Variants in MYO1D observed in about 807,000 individuals in gnomAD.
MYO1D encodes myosin ID.
In MYO1D, 83 loss-of-function variants were observed where a neutral mutation model predicts 122.0. The ratio of observed to expected loss-of-function variants is 0.68; its 90% confidence interval spans 0.57 to 0.82. The LOEUF (loss-of-function observed/expected upper bound fraction) is 0.82, where lower values mean the gene tolerates loss of function less well. Ranked by LOEUF, MYO1D falls within the 40% of genes least tolerant of loss-of-function variation. MYO1D has a pLI of 0.00. For missense variants in MYO1D, 1,157 were observed against 1,269.5 expected (o/e 0.91, Z 1.35); for synonymous variants, 464 against 446.9 (o/e 1.04, Z -0.48).
chr17:32,529,139 C>T (rs1567878583), intron 21 of MYO1D: 2 of 152,232 alleles, frequency 1.3e-5, no homozygotes, highest in Admixed American at 6.5e-5. Flanking sequence ...TGCATGTGCG[C>T]GTGCACACAC....
At chr17:32,673,336 T>C (rs2088752204) in intron 16 of MYO1D, among the ~76,000 whole-genome samples, 1 of 151,926 alleles carries the variant, frequency 6.6e-6, no homozygotes. Context: ...ACTCTTGAGC[T>C]CAGGCAATCT....
At chr17:32,717,703 A>G (rs1442887289) in intron 15 of MYO1D, among the ~76,000 whole-genome samples, 1 of 152,204 alleles carries the variant, frequency 6.6e-6, no homozygotes, top group Non-Finnish European at 1.5e-5. Flanking sequence ...TACTTGATCA[A>G]ACGTTCATGA....
At chr17:32,641,959 G>T (rs1344057785) in intron 19 of MYO1D, among the ~76,000 whole-genome samples, 1 of 152,104 alleles carries the variant, frequency 6.6e-6, no homozygotes, top group Non-Finnish European at 1.5e-5. Flanking sequence ...GTCAATTCTG[G>T]CTTTTGTTGC....
intron 16 of MYO1D, 63 bp from the exon 17 acceptor site, chr17:32,659,401 T>C (rs1490850677): frequency 2.6e-6 from 4 of 1,517,536 alleles, no homozygotes; most frequent in African/African-American, 1.4e-5. Flanking sequence ...ATGGCTTTGA[T>C]ATTATAGCAG....
At chr17:32,595,244 T>C (rs1317129341) in intron 21 of MYO1D, among the ~76,000 whole-genome samples, 1 of 152,170 alleles carries the variant, frequency 6.6e-6, no homozygotes, top group Non-Finnish European at 1.5e-5. Flanking sequence ...AGGGTGAATA[T>C]AGAACCCTAT....
intron 1 of MYO1D, among the ~76,000 whole-genome samples, chr17:32,789,824 G>C (rs1449079273): frequency 6.6e-6 from 1 of 152,180 alleles, no homozygotes; most frequent in Non-Finnish European, 1.5e-5. Flanking sequence ...AGTCCAGGAA[G>C]GGTATCTCCC....
chr17:32,638,650 C>A (rs1050128273), intron 20 of MYO1D, 72 bp downstream of exon 20: 25 of 987,462 alleles, frequency 2.5e-5, no homozygotes, highest in Non-Finnish European at 3.8e-5. Context: ...AGAACTCAGT[C>A]TATTGACCCA....
At chr17:32,612,534 G>T (rs950401677) in intron 20 of MYO1D, among the ~76,000 whole-genome samples, 5 of 151,402 alleles carry the variant, frequency 3.3e-5, no homozygotes, top group African/African-American at 1.2e-4. Context: ...AAAAAAATTA[G>T]CTGGAGCTGG....
intron 16 of MYO1D, among the ~76,000 whole-genome samples, chr17:32,693,959 A>G (rs2089137785): frequency 6.6e-6 from 1 of 152,190 alleles, no homozygotes; most frequent in Non-Finnish European, 1.5e-5. Flanking sequence ...AGGGCTTTAC[A>G]TTTGCCAATA....
At chr17:32,662,953 T>C (rs904791564) in intron 16 of MYO1D, among the ~76,000 whole-genome samples, 4 of 149,964 alleles carry the variant, frequency 2.7e-5, no homozygotes, top group African/African-American at 9.8e-5. Flanking sequence ...GGTCTCACTC[T>C]GTCACCCAGG....
chr17:32,596,096 C>A (rs528396412), intron 21 of MYO1D, among the ~76,000 whole-genome samples: 1 of 152,312 alleles, frequency 6.6e-6, no homozygotes, highest in African/African-American at 2.4e-5. Context: ...TTCTGTCCCC[C>A]ATAAGTCAGG....
intron 21 of MYO1D, among the ~76,000 whole-genome samples, chr17:32,502,356 G>C (rs1228394847): frequency 6.6e-6 from 1 of 152,178 alleles, no homozygotes; most frequent in Non-Finnish European, 1.5e-5. Context: ...AGCCAGAAGA[G>C]GCAAAGCCAC....
chr17:32,613,984 T>C (rs947627360), intron 20 of MYO1D, among the ~76,000 whole-genome samples: 8 of 151,672 alleles, frequency 5.3e-5, no homozygotes, highest in South Asian at 2.1e-4. Flanking sequence ...CAGTATACCA[T>C]GGTATATAAA....
chr17:32,521,602 G>T (rs771110229), intron 21 of MYO1D, among the ~76,000 whole-genome samples: 45 of 152,130 alleles, frequency 3.0e-4, no homozygotes, highest in Non-Finnish European at 1.9e-4. Flanking sequence ...TGAGATGTGG[G>T]TGGTGAGTAC....
chr17:32,597,566 C>T (rs764365077), intron 21 of MYO1D, among the ~76,000 whole-genome samples: 2 of 151,862 alleles, frequency 1.3e-5, no homozygotes, highest in Non-Finnish European at 2.9e-5. Context: ...TATAGTTATC[C>T]AGTGATAGAT....
chr17:32,866,895 T>C (rs1402215641), intron 1 of MYO1D, among the ~76,000 whole-genome samples: 2 of 152,236 alleles, frequency 1.3e-5, no homozygotes, highest in East Asian at 3.8e-4. Context: ...AAGGGTCTGC[T>C]GACATTCTAC....
chr17:32,694,758 G>GACTCATAT (rs2089150941), intron 16 of MYO1D, among the ~76,000 whole-genome samples: 1 of 145,254 alleles, frequency 6.9e-6, no homozygotes, highest in African/African-American at 2.6e-5. Context: ...TTGTTTCTCT[G>GACTCATAT]ACTCATATAT....
At chr17:32,852,780 TAAAAA>T (rs968111332) in intron 1 of MYO1D, among the ~76,000 whole-genome samples, 11 of 152,216 alleles carry the variant, frequency 7.2e-5, no homozygotes, top group Admixed American at 5.9e-4. Context: ...TAAATTTAGA[TAAAAA>T]AAGAAACAAT....
In MYO1D at chr17:32,784,026, A is replaced by T. The variant is rs145684315; in HGVS notation, c.96-3242T>A. 4.9e-4 allele frequency among the ~76,000 whole-genome samples: 74 copies of T among 152,352 alleles called. No homozygotes were observed. In the East Asian group the frequency reaches 0.013, roughly 26 times the overall value. ...CAGGAAAGCATTGTACATAAATAAC[A>T]ACAATATAGTATGATAGGTAAGGTA... On this transcript the variant is annotated intron_variant, in intron 1 of 21. Transcript: ENST00000318217.
Sources: allele counts gnomAD v4.1 joint callset (sites outside exome capture counted in the v4.1 genomes callset), GRCh38; gene constraint gnomAD v4.1.1; transcripts MANE v1.5; gene names NCBI Gene and HGNC (gene_info 2026-07-23, HGNC 2026-07-21).